Variants in ALPK2 observed in about 807,000 individuals in gnomAD.
The protein encoded by ALPK2 is alpha-protein kinase 2.
In ALPK2, 127 loss-of-function variants were observed where a neutral mutation model predicts 163.1. The ratio of observed to expected loss-of-function variants is 0.78; its 90% CI spans 0.67 to 0.90. The LOEUF (loss-of-function observed/expected upper bound fraction) is 0.90, where lower values mean the gene tolerates loss of function less well. ALPK2 is among the 40% of genes least tolerant of loss of function. The pLI is 0.00. For synonymous variants in ALPK2, 953 were observed against 959.1 expected, an observed-to-expected ratio of 0.99 and a Z score of 0.12; for missense variants, 2,360 against 2,589.6, an observed-to-expected ratio of 0.91 and a Z score of 1.92.
intron 10 of ALPK2, among the ~76,000 whole-genome samples, chr18:58,510,142 A>T (rs1430374284): frequency 2.0e-5 from 3 of 152,170 alleles, no homozygotes; most frequent in Non-Finnish European, 4.4e-5. Flanking sequence ...TAAATAGGGA[A>T]TCCTTTCCCC....
intron 3 of ALPK2, among the ~76,000 whole-genome samples, chr18:58,581,307 C>A (rs1032040095): frequency 1.3e-5 from 2 of 152,144 alleles, no homozygotes; most frequent in Admixed American, 1.3e-4. Flanking sequence ...TGCTAGAGGC[C>A]GTAAAGATAA....
intron 11 of ALPK2, among the ~76,000 whole-genome samples, chr18:58,499,537 C>A (rs1019184702): frequency 2.6e-5 from 4 of 152,212 alleles, no homozygotes; most frequent in African/African-American, 9.6e-5. Context: ...CATGCCCTGA[C>A]CACGCACCAA....
Position 58,537,627 on chromosome 18 carries a change from A to C in ALPK2, c.2560T>G (p.Ser854Ala). 6.2e-7 allele frequency: 1 copy of C among 1,613,184 alleles called. No individual in the cohort carries two copies. Among genetic ancestry groups the C allele is most frequent in the Non-Finnish European group, 8.5e-7 (1 of 1,179,236 alleles). Reference protein sequence around the residue: ...EGQNKVSDLCSSNDKTLEVFF... With the variant: ...EGQNKVSDLCASNDKTLEVFF... ...ACTTCCAGTGTCTTGTCATTAGAAG[A>C]ACATAAATCAGATACTTTGTTTTGA... Residue 854 changes from serine to alanine, a missense_variant, in exon 5 of 13, where the codon TCT (serine) becomes GCT (alanine). By Grantham distance (99) the Ser-to-Ala change is moderately conservative. Coordinates refer to ENST00000361673, the MANE Select transcript of ALPK2 (RefSeq NM_052947.4).
intron 10 of ALPK2, among the ~76,000 whole-genome samples, chr18:58,510,634 T>C (rs927152159): frequency 2.6e-5 from 4 of 152,206 alleles, no homozygotes; most frequent in African/African-American, 9.7e-5. Flanking sequence ...GGTATTTTAT[T>C]CTCTTTGAAG....
At chr18:58,547,359 A>G (rs77294913) in intron 4 of ALPK2, among the ~76,000 whole-genome samples, 4,123 of 152,316 alleles carry the variant, frequency 0.027, 110 homozygotes, top group East Asian at 0.11. Flanking sequence ...GGGACCCCAG[A>G]GAGGGGCAGG....
At position 58,481,752 on chromosome 18, in the gene ALPK2, T is replaced by A; in HGVS notation, c.*71A>T. ...TCTCTGCAGGCTGTATATTCTCTCC[T>A]GTGTGGCCTCAGATTTTCCCTGGCG... On this transcript the variant is annotated 3_prime_UTR_variant, in exon 13 of 13. Transcript: ENST00000361673. 1 of 1,273,328 alleles carries A rather than the reference T, an allele frequency of 7.9e-7. No individual in the cohort carries two copies. Among genetic ancestry groups the A allele is most frequent in the South Asian group, 1.2e-5 (1 of 80,652 alleles). 78.9% of individuals were successfully genotyped at this position (1,273,328 alleles called of 1,614,324 possible). A position where few individuals can be genotyped will look rare whatever the true frequency, so the allele number is the denominator to read the frequency against.
Position 58,536,801 on chromosome 18 carries a change from C to G in ALPK2, c.3386G>C (p.Arg1129Thr). 6.2e-7 allele frequency: 1 copy of G among 1,614,198 alleles called. No individual in the cohort carries two copies. Among genetic ancestry groups the G allele is most frequent in the South Asian group, 1.1e-5 (1 of 91,078 alleles). ...FRSYEENFQE[R>T]GSETKQGVQQ... is the part of the protein sequence containing the mutation. Reference sequence around the variant, plus strand: ...GACCCCCTGCTTTGTTTCACTTCCTCTTTCTTGGAAATTCTCTTCATAGCT... The same window carrying G: ...GACCCCCTGCTTTGTTTCACTTCCTGTTTCTTGGAAATTCTCTTCATAGCT... The change falls in exon 5 of 13, where the codon AGA becomes ACA. Residue 1129 changes from arginine (R) to threonine (T), a missense_variant. Transcript: ENST00000361673.
chr18:58,593,934 C>T, intron 3 of ALPK2, among the ~76,000 whole-genome samples: 1 of 120,940 alleles, frequency 8.3e-6, no homozygotes. Flanking sequence ...CAGGGCCCAC[C>T]TCTTCCCCCA....
At chr18:58,506,489 C>G (rs1293376702) in intron 10 of ALPK2, among the ~76,000 whole-genome samples, 2 of 152,156 alleles carry the variant, frequency 1.3e-5, no homozygotes, top group East Asian at 3.8e-4. Context: ...TCTGCCTCCT[C>G]TCAGTGACTG....
At chr18:58,517,715 G>T (rs895577690) in intron 8 of ALPK2, among the ~76,000 whole-genome samples, 2 of 151,754 alleles carry the variant, frequency 1.3e-5, no homozygotes, top group Non-Finnish European at 2.9e-5. Flanking sequence ...TACAGAAAAA[G>T]AGTAACTTTT....
chr18:58,583,870 C>A (rs770601373), intron 3 of ALPK2, among the ~76,000 whole-genome samples: 1 of 151,872 alleles, frequency 6.6e-6, no homozygotes, highest in Non-Finnish European at 1.5e-5. Context: ...TGCAGAGAAA[C>A]CACCTCCCCT....
chr18:58,543,417 T>C (rs2051701664), intron 4 of ALPK2: 1 of 985,228 alleles, frequency 1.0e-6, no homozygotes, highest in Admixed American at 6.2e-5. Context: ...GGAGGCAGTC[T>C]GTGCGTTGAT....
At position 58,543,478 on chromosome 18, in the gene ALPK2, AAG is replaced by A. The variant is rs901998741; in HGVS notation, c.1963-5256_1963-5255del. On this transcript the variant is annotated intron_variant, in intron 4 of 12. Transcript: ENST00000361673. ...GGGCCATGCGGGGCTCTGGGTTCCA[AAG>A]AGAGAGGGCAGCAGAAAGGGTATCA... 2.7e-5 allele frequency: 22 copies of A among 816,794 alleles called. 1 individual carries two copies. The Admixed American group carries it at 1.0e-3, about 37-fold the overall frequency. 50.6% of individuals were successfully genotyped at this position (816,794 alleles called of 1,614,324 possible).
intron 12 of ALPK2, among the ~76,000 whole-genome samples, chr18:58,490,310 A>T (rs907041709): frequency 6.6e-6 from 1 of 152,166 alleles, no homozygotes; most frequent in Non-Finnish European, 1.5e-5. Flanking sequence ...ACCTTCAGCA[A>T]CTTATCTGAA....
At chr18:58,568,999 G>A (rs1274739579) in intron 4 of ALPK2, among the ~76,000 whole-genome samples, 2 of 152,048 alleles carry the variant, frequency 1.3e-5, no homozygotes, top group African/African-American at 2.4e-5. Flanking sequence ...GAATCACTTG[G>A]GGCCAGGAGT....
chr18:58,529,264 G>A, intron 5 of ALPK2, 26 bp from the exon 6 acceptor site: 15 of 1,596,478 alleles, frequency 9.4e-6, no homozygotes, highest in Non-Finnish European at 1.2e-5. Context: ...TTGAAGGTCA[G>A]TGTAACAAAA....
intron 8 of ALPK2, 58 bp downstream of exon 8, chr18:58,523,748 T>G: frequency 6.2e-7 from 1 of 1,605,068 alleles, no homozygotes; most frequent in Non-Finnish European, 8.5e-7. Flanking sequence ...CTCTGGGAGC[T>G]ATTTTATGCT....
chr18:58,538,393 G>C, intron 4 of ALPK2, 169 bp from the exon 5 acceptor site: 29 of 650,400 alleles, frequency 4.5e-5, no homozygotes, highest in Non-Finnish European at 3.4e-5. Context: ...AGATTTCCTA[G>C]AAAACTGCAA....
intron 1 of ALPK2, among the ~76,000 whole-genome samples, chr18:58,613,869 T>TGAG (rs1386657846): frequency 6.6e-6 from 1 of 152,116 alleles, no homozygotes; most frequent in South Asian, 2.1e-4. Flanking sequence ...ATGCCTCTAG[T>TGAG]GCTTTCTTTT....
Sources: gnomAD v4.1 joint callset for allele counts (sites outside exome capture counted in the v4.1 genomes callset) on GRCh38, gnomAD v4.1.1 for gene constraint, MANE v1.5 for transcripts, NCBI Gene and HGNC (gene_info 2026-07-23, HGNC 2026-07-21) for gene names.